The following DHX29 variants were observed in gnomAD, a reference collection of about 807,000 sequenced individuals.
DHX29 encodes the protein DExH-box helicase 29, also known as ATP-dependent RNA helicase DHX29.
DHX29 carries 79 observed loss-of-function variants against 167.9 expected under a neutral mutation model. The observed-to-expected ratio is 0.47, with a 90% confidence interval of 0.39 to 0.57. DHX29 has a LOEUF of 0.57. Ranked by LOEUF, DHX29 falls within the 20% of genes least tolerant of loss-of-function variation. The pLI is 0.00. For synonymous variants in DHX29, 530 were observed against 546.0 expected (o/e 0.97, Z 0.41); for missense variants, 1,347 against 1,593.4 (o/e 0.85, Z 2.63).
intron 21 of DHX29, 21 bp from the exon 22 acceptor site, chr5:55,267,843 A>G: frequency 6.4e-7 from 1 of 1,574,106 alleles, no homozygotes; most frequent in Non-Finnish European, 8.6e-7. Flanking sequence ...ATCATAAATG[A>G]CAAAACAATT....
Position 55,277,892 on chromosome 5 carries a change from T to C in DHX29, c.2110-610A>G, listed in dbSNP as rs546978615. On this transcript the variant is annotated intron_variant, in intron 12 of 26. Coordinates refer to ENST00000251636, the MANE Select transcript of DHX29 (RefSeq NM_019030.4). ...CTGCATTCCAGCCTGGGCGACAGAG[T>C]AAGACTCTATCTCAAAAAAAAAAAA... 1.7e-4 allele frequency among the ~76,000 whole-genome samples: 20 copies of C among 116,016 alleles called. No individual in the cohort carries two copies. In the Admixed American group the frequency reaches 1.9e-3, roughly 11 times the overall value. The allele number at this position is 116,016 out of a possible 152,430, so 76.1% of individuals were successfully genotyped here.
chr5:55,283,475 G>A lies in DHX29; in HGVS notation c.1693C>T (p.Leu565Phe), dbSNP rs1475724195. 2 of 1,614,082 alleles carry A rather than the reference G, an allele frequency of 1.2e-6. No homozygotes were observed. The highest frequency in any genetic ancestry group is 2.7e-5 in the African/African-American group (2 of 74,932). ...GGTAGCTGTTGTCTTTCCTTTAGAA[G>A]TTTCTGATACTTAGGTGTGCTTTGC... ...KLQSTPKYQKLLKERQQLPVF... is the reference protein window; with the variant it reads ...KLQSTPKYQKFLKERQQLPVF... The change falls in exon 11 of 27, where the codon CTT (leucine) becomes TTT (phenylalanine). Residue 565 changes from leucine (L) to phenylalanine (F), a missense_variant. Around this residue, in one of 3 missense-constraint regions of DHX29, gnomAD observed 882 missense variants for 1,082.4 expected, o/e 0.81. Transcript: ENST00000251636.
chr5:55,282,476 C>T (rs186524571), intron 11 of DHX29, among the ~76,000 whole-genome samples: 57 of 152,122 alleles, frequency 3.7e-4, no homozygotes, highest in South Asian at 1.5e-3. Context: ...ATGACAGAAA[C>T]CCAGACAATT....
At chr5:55,262,040 C>G (rs1056046966) in intron 24 of DHX29, among the ~76,000 whole-genome samples, 1 of 152,190 alleles carries the variant, frequency 6.6e-6, no homozygotes, top group East Asian at 1.9e-4. Context: ...TCTTCTCATA[C>G]TGCCTTAAAA....
intron 3 of DHX29, among the ~76,000 whole-genome samples, chr5:55,296,857 A>G (rs1243241392): frequency 6.6e-6 from 1 of 152,212 alleles, no homozygotes; most frequent in Admixed American, 6.5e-5. Flanking sequence ...TTTCTAAAGC[A>G]TAATCATTAT....
intron 17 of DHX29, 65 bp from the exon 18 acceptor site, chr5:55,272,240 T>C (rs2111834382): frequency 9.6e-7 from 1 of 1,038,512 alleles, no homozygotes; most frequent in South Asian, 1.6e-5. Flanking sequence ...TATTTAAATT[T>C]CTTTAGTTTG....
chr5:55,271,766 T>TCA lies in DHX29; in HGVS notation c.2864+319_2864+320dup, dbSNP rs112839109. On this transcript the variant is annotated intron_variant, in intron 18 of 26. Transcript: ENST00000251636. ...AAAGCCATGTTTCTTTTTTAAATAA[T>TCA]CACAAAGAATGCTTTTTGTTAAACA... is the stretch of plus-strand genomic sequence containing the variant. Among the ~76,000 whole-genome samples, 364 of 152,360 alleles carry TCA rather than the reference T, an allele frequency of 2.4e-3. 2 individuals carry two copies. The highest frequency in any genetic ancestry group is 0.024 in the Middle Eastern group (7 of 294).
chr5:55,267,261 A>G lies in DHX29; in HGVS notation c.3432-30T>C, dbSNP rs200517458. On this transcript the variant is annotated intron_variant, in intron 22 of 26. Transcript: ENST00000251636. ...ATAAATAAAATGTCAATTAATGAAT[A>G]AAGTTCACCATGTTCTCTTTCCAAA... 3.8e-4 allele frequency: 580 copies of G among 1,514,582 alleles called. 2 individuals are homozygous for G. Among genetic ancestry groups the G allele is most frequent in the Middle Eastern group, 1.4e-3 (8 of 5,836 alleles). 93.8% of individuals were successfully genotyped at this position (1,514,582 alleles called of 1,614,324 possible).
intron 1 of DHX29, among the ~76,000 whole-genome samples, chr5:55,306,840 A>C (rs2111999086): frequency 6.6e-6 from 1 of 152,362 alleles, no homozygotes; most frequent in South Asian, 2.1e-4. Flanking sequence ...TACAGTAAGC[A>C]AAACTGCATG....
chr5:55,295,853 A>G (rs1010473541), intron 4 of DHX29, among the ~76,000 whole-genome samples: 1 of 152,226 alleles, frequency 6.6e-6, no homozygotes, highest in African/African-American at 2.4e-5. Context: ...AGTCACCACA[A>G]GCCATTTGCA....
rs70992778 is a variant in DHX29 at position 55,303,109 on chromosome 5, TA to T, written c.187+4277del. Reference sequence around the variant, plus strand: ...ATTTCCTCAAAATGACTCAGCTAATTAAAAAAAAAAAATCAACCAGAATCAG... The same window carrying T: ...ATTTCCTCAAAATGACTCAGCTAATTAAAAAAAAAAATCAACCAGAATCAG... On this transcript the variant is annotated intron_variant, in intron 1 of 26. Coordinates refer to ENST00000251636, the MANE Select transcript of DHX29 (RefSeq NM_019030.4). Among the ~76,000 whole-genome samples the T allele has an allele frequency of 2.8e-3, 410 of 146,744 alleles. 2 individuals carry two copies. Among genetic ancestry groups the T allele is most frequent in the Middle Eastern group, 0.025 (7 of 280 alleles).
At chr5:55,280,447 T>C (rs972994961) in intron 12 of DHX29, among the ~76,000 whole-genome samples, 8 of 152,184 alleles carry the variant, frequency 5.3e-5, no homozygotes, top group African/African-American at 1.9e-4. Context: ...GTAGCTTAAT[T>C]TAAGAATGGT....
rs1230753492 is a variant in DHX29 at position 55,262,871 on chromosome 5, G to C, written c.3587C>G (p.Ser1196Cys). The change falls in exon 24 of 27, where the codon TCT becomes TGT. Residue 1196 changes from serine to cysteine, a missense_variant. Ser to Cys is a moderately radical substitution (Grantham distance 112, BLOSUM62 -1). Around this residue, in one of 3 missense-constraint regions of DHX29, gnomAD observed 882 missense variants for 1,082.4 expected, o/e 0.81. Coordinates refer to ENST00000251636, the MANE Select transcript of DHX29 (RefSeq NM_019030.4). ...KAAGFSSSTTSTSWEGNRASQ... is the reference protein window; with the variant it reads ...KAAGFSSSTTCTSWEGNRASQ... Reference sequence around the variant, plus strand: ...GGCTCTGTTTCCTTCCCAGCTGGTAGAAGTTGTGGAAGATGAAAATCCTGC... The same window carrying C: ...GGCTCTGTTTCCTTCCCAGCTGGTACAAGTTGTGGAAGATGAAAATCCTGC... 2.2e-5 allele frequency: 36 copies of C among 1,613,906 alleles called. 1 individual carries two copies. The Admixed American group carries it at 4.7e-4, about 21-fold the overall frequency.
Position 55,283,524 on chromosome 5 carries a change from A to T in DHX29, c.1644T>A (p.Pro548=). ...GCAACTTTCTAAAGAGGTTTCTAAC[A>T]GGTTCCAAATCTTCCACATTTGCTG... ...LESANVEDLE[P]VRNLFRKLQS... is the part of the protein sequence containing the mutation. Residue 548 remains proline, a synonymous_variant, in exon 11 of 27, where the codon CCT becomes CCA. Transcript: ENST00000251636. 6.2e-7 allele frequency: 1 copy of T among 1,614,202 alleles called. No homozygotes were observed. The highest frequency in any genetic ancestry group is 8.5e-7 in the Non-Finnish European group (1 of 1,180,030).
At chr5:55,293,641 A>G (rs1408099273) in intron 6 of DHX29, among the ~76,000 whole-genome samples, 2 of 151,854 alleles carry the variant, frequency 1.3e-5, no homozygotes, top group Admixed American at 6.5e-5. Context: ...TGCTTTTTTG[A>G]CTTAGTATAT....
chr5:55,265,094 G>GAAAAAAAAAAA (rs11336502), intron 23 of DHX29, among the ~76,000 whole-genome samples: 2 of 136,496 alleles, frequency 1.5e-5, no homozygotes, highest in East Asian at 2.2e-4. Context: ...AAAGAAAAAA[G>GAAAAAAAAAAA]AAAAAAAAAA....
At chr5:55,306,456 A>G (rs1374300895) in intron 1 of DHX29, among the ~76,000 whole-genome samples, 1 of 152,160 alleles carries the variant, frequency 6.6e-6, no homozygotes, top group African/African-American at 2.4e-5. Context: ...GAGAAAAATT[A>G]GATTACCCTG....
intron 3 of DHX29, among the ~76,000 whole-genome samples, chr5:55,296,884 G>T (rs1363188385): frequency 6.6e-6 from 1 of 152,078 alleles, no homozygotes; most frequent in Non-Finnish European, 1.5e-5. Flanking sequence ...GCAGAGCTGG[G>T]TTCAAATCCA....
chr5:55,300,641 C>G (rs1299820285), intron 1 of DHX29, among the ~76,000 whole-genome samples: 1 of 152,190 alleles, frequency 6.6e-6, no homozygotes, highest in East Asian at 1.9e-4. Flanking sequence ...CCACTGCACT[C>G]TGGCCTGGGA....
Sources: allele counts gnomAD v4.1 joint callset (sites outside exome capture counted in the v4.1 genomes callset), GRCh38; gene constraint gnomAD v4.1.1; regional missense constraint gnomAD v4.1.1; transcripts MANE v1.5; gene names NCBI Gene and HGNC (gene_info 2026-07-23, HGNC 2026-07-21).